CNTN4: variants seen among roughly 807,000 people sequenced by gnomAD.
The protein encoded by CNTN4 is contactin 4, also known as contactin-4.
In CNTN4, 77 loss-of-function variants were observed where a neutral mutation model predicts 122.5. The observed-to-expected ratio is 0.63, with a 90% CI of 0.52 to 0.76. CNTN4 has a LOEUF of 0.76. Among genes scored for constraint, CNTN4 ranks in the 30% least tolerant of loss-of-function variants. The pLI is 0.00. For missense variants in CNTN4, 1,256 were observed against 1,259.1 expected, an observed-to-expected ratio of 1.00 and a Z score of 0.04; for synonymous variants, 512 against 447.0, an observed-to-expected ratio of 1.15 and a Z score of -1.83.
rs2040385135 is a variant in CNTN4, at chr3:2,251,675, G to A, written c.-144-87503G>A. Among the ~76,000 whole-genome samples, 3 of 151,678 alleles carry A rather than the reference G, an allele frequency of 2.0e-5. No individual in the cohort carries two copies. The South Asian group carries it at 6.2e-4, about 31-fold the overall frequency. On this transcript the variant is annotated intron_variant, in intron 2 of 24. Transcript: ENST00000418658. ...AACATATTATGTAGTCTCTTAGGGT[G>A]GCATGTTACCAAAAACAAGATGTTC...
At chr3:2,458,874 A>T (rs924483708) in intron 3 of CNTN4, among the ~76,000 whole-genome samples, 1 of 152,152 alleles carries the variant, frequency 6.6e-6, no homozygotes, top group Non-Finnish European at 1.5e-5. Context: ...TTCCCCAAGC[A>T]CATTTGCTTT....
At chr3:2,432,979 T>G (rs193105216) in intron 3 of CNTN4, among the ~76,000 whole-genome samples, 2,578 of 151,728 alleles carry the variant, frequency 0.017, 82 homozygotes, top group African/African-American at 0.058. Context: ...TCATTTGTTT[T>G]TTTGTTTGTT....
At chr3:2,968,626 C>A (rs540748674) in intron 13 of CNTN4, among the ~76,000 whole-genome samples, 2 of 152,334 alleles carry the variant, frequency 1.3e-5, no homozygotes, top group East Asian at 3.9e-4. Context: ...GAAGAGTCCA[C>A]CACTACTACC....
intron 3 of CNTN4, among the ~76,000 whole-genome samples, chr3:2,539,611 C>T (rs1311668633): frequency 6.6e-6 from 1 of 152,032 alleles, no homozygotes; most frequent in Admixed American, 6.6e-5. Context: ...ACTCTTTGCC[C>T]TTTACCACGT....
intron 6 of CNTN4, among the ~76,000 whole-genome samples, chr3:2,770,619 G>A (rs774956015): frequency 2.9e-4 from 44 of 152,198 alleles, no homozygotes; most frequent in Non-Finnish European, 5.0e-4. Context: ...GCACTGACCC[G>A]TAAGGATTAA....
At chr3:2,396,323 C>T (rs897482492) in intron 3 of CNTN4, among the ~76,000 whole-genome samples, 8 of 152,170 alleles carry the variant, frequency 5.3e-5, no homozygotes, top group Non-Finnish European at 1.0e-4. Context: ...AAGCGCCCAG[C>T]CTAGCCTGTT....
At chr3:2,827,260 C>T (rs1417625090) in intron 7 of CNTN4, among the ~76,000 whole-genome samples, 1 of 152,150 alleles carries the variant, frequency 6.6e-6, no homozygotes, top group Non-Finnish European at 1.5e-5. Context: ...GGGTTCCTAG[C>T]ATCACTTTCA....
intron 4 of CNTN4, among the ~76,000 whole-genome samples, chr3:2,583,545 A>G (rs1184884976): frequency 6.6e-6 from 1 of 152,200 alleles, no homozygotes; most frequent in African/African-American, 2.4e-5. Flanking sequence ...TTAGTATTTG[A>G]TTGGCTTTGT....
At position 2,828,923 on chromosome 3, in the gene CNTN4, G is replaced by T. The variant is rs532933873; in HGVS notation, c.454+9342G>T. On this transcript the variant is annotated intron_variant, in intron 7 of 24. Transcript: ENST00000418658. ...AGGCTAATTATTTTATTTTTTGTTA[G>T]AGATGGGGTCTTGTTTTGTTACCCA... Among the ~76,000 whole-genome samples the T allele has an allele frequency of 5.3e-5, 8 of 152,114 alleles. No individual in the cohort carries two copies. In the South Asian group the frequency reaches 1.7e-3, roughly 32 times the overall value.
chr3:2,906,436 A>C (rs2094233294), intron 12 of CNTN4, among the ~76,000 whole-genome samples: 1 of 152,220 alleles, frequency 6.6e-6, no homozygotes, highest in Admixed American at 6.5e-5. Flanking sequence ...AACATGTTGT[A>C]TGTAATAGAT....
intron 2 of CNTN4, among the ~76,000 whole-genome samples, chr3:2,287,711 G>GGAAGAAGAAGAAGAAGAAGAA (rs56014308): frequency 6.1e-5 from 4 of 65,490 alleles, no homozygotes; most frequent in African/African-American, 2.4e-4. Flanking sequence ...AAGAAGAAGA[G>GGAAGAAGAAGAAGAAGAAGAA]GAAGAAGAAG....
chr3:2,225,092 A>G (rs1053941263), intron 2 of CNTN4, among the ~76,000 whole-genome samples: 14 of 149,832 alleles, frequency 9.3e-5, no homozygotes, highest in Non-Finnish European at 1.6e-4. Flanking sequence ...AGAGCTTGCA[A>G]GTGAGCCGAG....
intron 3 of CNTN4, among the ~76,000 whole-genome samples, chr3:2,521,981 A>T (rs1026035307): frequency 2.0e-5 from 3 of 152,164 alleles, no homozygotes; most frequent in Non-Finnish European, 4.4e-5. Context: ...TCCTAAAAAA[A>T]GATGAGAGGA....
intron 4 of CNTN4, among the ~76,000 whole-genome samples, chr3:2,584,697 C>CAAAAAAAAAAAAAAAAA (rs67755648): frequency 2.7e-5 from 2 of 73,162 alleles, no homozygotes; most frequent in African/African-American, 5.8e-5. Context: ...AACTCCGTCT[C>CAAAAAAAAAAAAAAAAA]AAAAAAAAAA....
intron 3 of CNTN4, among the ~76,000 whole-genome samples, chr3:2,558,518 A>G (rs905308552): frequency 1.1e-4 from 16 of 152,066 alleles, no homozygotes; most frequent in Non-Finnish European, 7.4e-5. Context: ...AAAATACCAT[A>G]GAAGAGTATT....
At chr3:2,455,720 C>T (rs4539922) in intron 3 of CNTN4, among the ~76,000 whole-genome samples, 105,381 of 151,910 alleles carry the variant, frequency 0.69, 36,834 homozygotes, top group East Asian at 0.79. Context: ...CTTGCCTCTT[C>T]GGGTAGTCAT....
intron 8 of CNTN4, among the ~76,000 whole-genome samples, chr3:2,879,624 G>A (rs553399079): frequency 7.1e-6 from 1 of 141,618 alleles, no homozygotes; most frequent in Non-Finnish European, 1.6e-5. Context: ...TAATTTATAG[G>A]AAATATTCAG....
chr3:2,516,177 A>G (rs1168624677), intron 3 of CNTN4, among the ~76,000 whole-genome samples: 2 of 150,116 alleles, frequency 1.3e-5, no homozygotes, highest in African/African-American at 4.9e-5. Flanking sequence ...TATTTGATGC[A>G]TATATATATA....
Position 2,385,311 on chromosome 3 carries a change from C to A in CNTN4, c.-89+46078C>A, listed in dbSNP as rs560979764. Among the ~76,000 whole-genome samples the A allele has an allele frequency of 1.3e-5, 2 of 151,430 alleles. No homozygotes were observed. Among genetic ancestry groups the A allele is most frequent in the African/African-American group, 4.8e-5 (2 of 41,504 alleles). Reference sequence around the variant, plus strand: ...AATCACTTAAAACTCTCCCAACAAACAATACCTGTTTATAGTTTTGTTTAT... The same window carrying A: ...AATCACTTAAAACTCTCCCAACAAAAAATACCTGTTTATAGTTTTGTTTAT... On this transcript the variant is annotated intron_variant, in intron 3 of 24. Transcript: ENST00000418658. This position sits in a 1 kb window ranked among gnomAD's most constrained non-coding sequence, Gnocchi z 4.0.
Sources: allele counts gnomAD v4.1 joint callset (sites outside exome capture counted in the v4.1 genomes callset), GRCh38; gene constraint gnomAD v4.1.1; non-coding constraint Gnocchi (gnomAD v3.1); transcripts MANE v1.5; gene names NCBI Gene and HGNC (gene_info 2026-07-23, HGNC 2026-07-21).